DIAPH1: variants seen among roughly 807,000 people sequenced by gnomAD.
DIAPH1 encodes diaphanous related formin 1.
A neutral mutation model predicts 140.7 loss-of-function variants in DIAPH1; 46 were observed. That is an observed-to-expected ratio of 0.33 (90% CI 0.26 to 0.42). The LOEUF is 0.42. DIAPH1 is among the 10% of genes least tolerant of loss of function. The pLI is 1.00. For synonymous variants in DIAPH1, 565 were observed against 551.6 expected (o/e 1.02, Z -0.34); for missense variants, 1,310 against 1,558.7 (o/e 0.84, Z 2.69).
At chr5:141,517,260 A>C (rs978966834) in intron 27 of DIAPH1, among the ~76,000 whole-genome samples, 1 of 152,244 alleles carries the variant, frequency 6.6e-6, no homozygotes, top group Non-Finnish European at 1.5e-5. Context: ...AAAACAGCAC[A>C]AAAGTTTGAA....
At position 141,574,088 on chromosome 5, in the gene DIAPH1, A is replaced by T. The variant is rs778001664; in HGVS notation, c.1762T>A (p.Leu588Ile). 7 of 1,613,062 alleles carry T rather than the reference A, an allele frequency of 4.3e-6. No homozygotes were observed. The highest frequency in any genetic ancestry group is 5.1e-6 in the Non-Finnish European group (6 of 1,179,628). The change falls in exon 16 of 28, where the codon TTA becomes ATA. Residue 588 changes from leucine (L) to isoleucine (I), a missense_variant. Leu to Ile is a conservative substitution (Grantham distance 5, BLOSUM62 2). Coordinates refer to ENST00000389054, the MANE Select transcript of DIAPH1 (RefSeq NM_005219.5). The stretch of plus-strand genomic sequence containing the variant: ...ATAATAGTGCCAGAGTCACCAGGTA[A>T]AGGAGGGGCAGGGGGAACAGGAGCA... The part of the protein sequence containing the change: ...SRAPVPPAPP[L>I]PGDSGTIIPP...
intron 18 of DIAPH1, among the ~76,000 whole-genome samples, chr5:141,559,973 CTG>C (rs1197056499): frequency 6.6e-6 from 1 of 152,208 alleles, no homozygotes; most frequent in Non-Finnish European, 1.5e-5. Flanking sequence ...GTGACCAATT[CTG>C]TTTCATCTAC....
At position 141,518,956 on chromosome 5, in the gene DIAPH1, C is replaced by A. The variant is rs566944542; in HGVS notation, c.3662-1948G>T. 2.6e-6 allele frequency: 4 copies of A among 1,519,394 alleles called. No homozygotes were observed. The South Asian group carries it at 4.8e-5, about 18-fold the overall frequency. 94.1% of individuals were successfully genotyped at this position (1,519,394 alleles called of 1,614,324 possible). ...GCACACAGGTTACCAATTTAAAGGT[C>A]TCCTCCTCCTCCTCTACTTCCCAGG... On this transcript the variant is annotated intron_variant, in intron 27 of 27. Transcript: ENST00000389054.
intron 15 of DIAPH1, 103 bp downstream of exon 15, chr5:141,574,864 T>C (rs1453538205): frequency 3.2e-6 from 4 of 1,256,202 alleles, no homozygotes; most frequent in Non-Finnish European, 3.5e-6. Context: ...AGATTACCTA[T>C]TAGTAGCTGA....
chr5:141,529,676 C>T lies in DIAPH1; in HGVS notation c.2603G>A (p.Arg868His), dbSNP rs1408895782. 2 of 1,613,998 alleles carry T rather than the reference C, an allele frequency of 1.2e-6. No homozygotes were observed. The highest frequency in any genetic ancestry group is 1.1e-5 in the South Asian group (1 of 91,072). Residue 868 changes from arginine (R) to histidine (H), a missense_variant, in exon 20 of 28, where the codon CGC (arginine) becomes CAC (histidine). Arg to His is a conservative substitution (Grantham distance 29, BLOSUM62 0). Coordinates refer to ENST00000389054, the MANE Select transcript of DIAPH1 (RefSeq NM_005219.5). ...ATTCTTAATCTCTTGATAGGGCATG[C>T]GGAAGGAACCCAAAAAGATTGCTGC... is the stretch of plus-strand genomic sequence containing the variant. ...QNLSIFLGSF[R>H]MPYQEIKNVI...
intron 21 of DIAPH1, 109 bp from the exon 22 acceptor site, chr5:141,529,050 G>A: frequency 1.3e-6 from 2 of 1,582,722 alleles, no homozygotes; most frequent in South Asian, 1.1e-5. Flanking sequence ...GCAGGGAGAA[G>A]AGAGAGATTA....
chr5:141,573,090 C>T (rs1200581713), intron 16 of DIAPH1, among the ~76,000 whole-genome samples: 4 of 152,184 alleles, frequency 2.6e-5, no homozygotes, highest in African/African-American at 7.2e-5. Context: ...AGCCTTAAGG[C>T]GTAGCCCATC....
rs1310867806 is a variant in DIAPH1, at chr5:141,578,353, A to G, written c.1045-10T>C. ...CAATCTCTCGAAGGTCCTGTCAACA[A>G]CAAAAGTAGAAGTCAGGGAACCCAA... On this transcript the variant is annotated splice_polypyrimidine_tract_variant and intron_variant, in intron 10 of 27. Transcript: ENST00000389054. The G allele has an allele frequency of 6.2e-7, 1 of 1,607,902 alleles. No homozygotes were observed. The highest frequency in any genetic ancestry group is 8.5e-7 in the Non-Finnish European group (1 of 1,174,328).
At chr5:141,519,339 AT>A (rs2099886177) in intron 27 of DIAPH1, among the ~76,000 whole-genome samples, 1 of 152,072 alleles carries the variant, frequency 6.6e-6, no homozygotes, top group African/African-American at 2.4e-5. Flanking sequence ...ATTTCTTTGA[AT>A]TCAGTCTCCA....
chr5:141,570,024 T>C (rs993597067), intron 18 of DIAPH1, among the ~76,000 whole-genome samples: 1 of 152,164 alleles, frequency 6.6e-6, no homozygotes, highest in African/African-American at 2.4e-5. Context: ...GGGGCCACTT[T>C]GGTATTTTAA....
At chr5:141,617,231 CATACAAAA>C (rs2099902823) in intron 1 of DIAPH1, among the ~76,000 whole-genome samples, 1 of 151,122 alleles carries the variant, frequency 6.6e-6, no homozygotes, top group Non-Finnish European at 1.5e-5. Context: ...CCTAAAGAAA[CATACAAAA>C]ATGCTGCTTT....
At chr5:141,535,950 TAAAC>T (rs1391243073) in intron 18 of DIAPH1, 2 of 457,902 alleles carry the variant, frequency 4.4e-6, no homozygotes, top group Non-Finnish European at 9.0e-6. Context: ...CTGGTACAAA[TAAAC>T]AAGAATTAAA....
At chr5:141,526,204 T>C in intron 25 of DIAPH1, 31 bp from the exon 26 acceptor site, 4 of 1,614,004 alleles carry the variant, frequency 2.5e-6, no homozygotes, top group Non-Finnish European at 3.4e-6. Flanking sequence ...AAGGAACACA[T>C]GGGCATTGTA....
intron 8 of DIAPH1, 137 bp downstream of exon 8, chr5:141,580,607 T>C: frequency 2.4e-6 from 2 of 833,800 alleles, no homozygotes; most frequent in Non-Finnish European, 2.0e-6. Flanking sequence ...AGATGCTTAG[T>C]GTTCACTTCT....
rs531232706 is a variant in DIAPH1, at chr5:141,579,020, G to A, written c.933+68C>T. On this transcript the variant is annotated intron_variant, in intron 9 of 27. Coordinates refer to ENST00000389054, the MANE Select transcript of DIAPH1 (RefSeq NM_005219.5). The stretch of plus-strand genomic sequence containing the variant: ...GGCACTCCATGTATTTTATTAAAAG[G>A]TCAAATGAATTTAAGTCTGTCCATC... The A allele has an allele frequency of 1.6e-4, 187 of 1,186,564 alleles. 2 individuals are homozygous for A. In the South Asian group the frequency reaches 1.8e-3, roughly 12 times the overall value. 73.5% of individuals were successfully genotyped at this position (1,186,564 alleles called of 1,614,324 possible).
intron 1 of DIAPH1, among the ~76,000 whole-genome samples, chr5:141,610,352 G>C (rs1428798954): frequency 6.6e-6 from 1 of 151,518 alleles, no homozygotes; most frequent in Non-Finnish European, 1.5e-5. Flanking sequence ...CCAGGCTGGA[G>C]TGCAGTGGCA....
intron 27 of DIAPH1, 21 bp from the exon 28 acceptor site, chr5:141,517,029 TTCTG>T (rs777476610): frequency 6.2e-7 from 1 of 1,613,980 alleles, no homozygotes; most frequent in Non-Finnish European, 8.5e-7. Flanking sequence ...AGACGAGAGA[TTCTG>T]TCTATGGAAG....
At chr5:141,587,378 T>C in intron 2 of DIAPH1, 181 bp from the exon 3 acceptor site, 1 of 656,002 alleles carries the variant, frequency 1.5e-6, no homozygotes, top group Non-Finnish European at 2.7e-6. Context: ...CTTACCATAC[T>C]GACTCTGTAC....
chr5:141,602,064 T>C (rs2099900220), intron 1 of DIAPH1, among the ~76,000 whole-genome samples: 1 of 152,192 alleles, frequency 6.6e-6, no homozygotes, highest in Admixed American at 6.5e-5. Flanking sequence ...CATATGTCAC[T>C]TAGAATCATG....
Sources: gnomAD v4.1 joint callset for allele counts (sites outside exome capture counted in the v4.1 genomes callset) on GRCh38, gnomAD v4.1.1 for gene constraint, MANE v1.5 for transcripts, NCBI Gene and HGNC (gene_info 2026-07-23, HGNC 2026-07-21) for gene names.